The following AGBL4 variants were observed in gnomAD, a reference collection of about 807,000 sequenced individuals.
The protein encoded by AGBL4 is cytosolic carboxypeptidase 6.
Under a neutral mutation model 66.4 loss-of-function variants are expected in AGBL4, and 58 were observed. The observed-to-expected ratio is 0.87, with a 90% CI of 0.71 to 1.09. The LOEUF is 1.09. Ranked by LOEUF, AGBL4 falls within the 50% of genes least tolerant of loss-of-function variation. The pLI is 0.00. For missense variants in AGBL4, 579 were observed against 631.0 expected (o/e 0.92, Z 0.88); for synonymous variants, 234 against 222.9 (o/e 1.05, Z -0.44).
chr1:48,570,545 CG>C (rs1252541282), intron 11 of AGBL4, among the ~76,000 whole-genome samples: 1 of 151,702 alleles, frequency 6.6e-6, no homozygotes, highest in Non-Finnish European at 1.5e-5. Flanking sequence ...CGTGGGTTAA[CG>C]TTTTTTTTTT....
intron 2 of AGBL4, among the ~76,000 whole-genome samples, chr1:49,802,042 C>T (rs148752267): frequency 1.3e-3 from 191 of 152,312 alleles, no homozygotes; most frequent in African/African-American, 4.4e-3. Flanking sequence ...GATTATTGTA[C>T]ATACAAAGTT....
intron 2 of AGBL4, among the ~76,000 whole-genome samples, chr1:49,838,432 A>G (rs541215262): frequency 6.6e-6 from 1 of 152,330 alleles, no homozygotes; most frequent in African/African-American, 2.4e-5. Flanking sequence ...AGCCTGGGAA[A>G]TGCGATTTTC....
At chr1:49,445,488 CA>C (rs1308860336) in intron 3 of AGBL4, among the ~76,000 whole-genome samples, 2 of 152,046 alleles carry the variant, frequency 1.3e-5, no homozygotes, top group Non-Finnish European at 2.9e-5. Context: ...TTTGAGTATT[CA>C]ATTGTTTTAT....
intron 4 of AGBL4, among the ~76,000 whole-genome samples, chr1:49,124,315 G>A (rs1016976000): frequency 2.6e-5 from 4 of 152,130 alleles, no homozygotes; most frequent in Admixed American, 2.0e-4. Context: ...AGAACAGAAA[G>A]GTAAGGGTCA....
chr1:49,835,806 G>T (rs191126849), intron 2 of AGBL4, among the ~76,000 whole-genome samples: 29 of 152,190 alleles, frequency 1.9e-4, no homozygotes, highest in Non-Finnish European at 2.8e-4. Flanking sequence ...ATCTGTAGAG[G>T]ATTTTATTTC....
At chr1:48,944,391 G>A (rs973864902) in intron 5 of AGBL4, among the ~76,000 whole-genome samples, 2 of 152,114 alleles carry the variant, frequency 1.3e-5, no homozygotes, top group Admixed American at 6.6e-5. Flanking sequence ...TACTATCGCA[G>A]GCATGAGCAG....
chr1:49,284,518 A>T (rs1220145763), intron 3 of AGBL4, among the ~76,000 whole-genome samples: 1 of 152,162 alleles, frequency 6.6e-6, no homozygotes, highest in Admixed American at 6.5e-5. Flanking sequence ...ATTCACATAT[A>T]ACAATATTAA....
chr1:48,625,675 C>T (rs1264686337), intron 9 of AGBL4, among the ~76,000 whole-genome samples: 1 of 152,144 alleles, frequency 6.6e-6, no homozygotes. Context: ...ATGGGCTGGA[C>T]TCAAAGAGAA....
intron 6 of AGBL4, among the ~76,000 whole-genome samples, chr1:48,674,505 T>TG (rs145186728): frequency 0.25 from 7,329 of 29,228 alleles, 262 homozygotes; most frequent in East Asian, 0.33. Flanking sequence ...GTAGGTGGGC[T>TG]GGGGGTGTTG....
intron 6 of AGBL4, among the ~76,000 whole-genome samples, chr1:48,775,682 G>A (rs184229648): frequency 2.6e-5 from 4 of 152,324 alleles, no homozygotes; most frequent in Admixed American, 2.0e-4. Flanking sequence ...AAAGGAAAAG[G>A]TGTCTCAGCA....
At chr1:48,612,440 G>C (rs536362529) in intron 9 of AGBL4, among the ~76,000 whole-genome samples, 1 of 152,194 alleles carries the variant, frequency 6.6e-6, no homozygotes, top group Non-Finnish European at 1.5e-5. Context: ...TCCTGAAGAA[G>C]TGCTGTCTAC....
chr1:49,811,211 G>T (rs1335452774), intron 2 of AGBL4, among the ~76,000 whole-genome samples: 1 of 152,144 alleles, frequency 6.6e-6, no homozygotes, highest in Admixed American at 6.6e-5. Flanking sequence ...AATGGATCCT[G>T]TGGAAAATGG....
At chr1:49,030,655 T>C (rs976302347) in intron 5 of AGBL4, among the ~76,000 whole-genome samples, 2 of 151,834 alleles carry the variant, frequency 1.3e-5, no homozygotes, top group African/African-American at 4.8e-5. Context: ...TAATGCCTGA[T>C]AATATGAGGT....
At chr1:49,069,123 G>C (rs1389536141) in intron 4 of AGBL4, among the ~76,000 whole-genome samples, 2 of 152,146 alleles carry the variant, frequency 1.3e-5, no homozygotes, top group Admixed American at 1.3e-4. Flanking sequence ...TGTAGATTCT[G>C]TATATTAGCC....
At chr1:48,791,629 CG>C (rs1213441787) in intron 6 of AGBL4, among the ~76,000 whole-genome samples, 2 of 152,140 alleles carry the variant, frequency 1.3e-5, no homozygotes, top group African/African-American at 2.4e-5. Context: ...TCAGAAAAAT[CG>C]GGGTTTAAAT....
At chr1:48,572,658 G>A (rs1303842628) in intron 11 of AGBL4, among the ~76,000 whole-genome samples, 2 of 152,134 alleles carry the variant, frequency 1.3e-5, no homozygotes, top group Non-Finnish European at 2.9e-5. Flanking sequence ...GAAGAGGAAT[G>A]CTATGCAGAG....
chr1:49,376,271 T>C (rs1160493264), intron 3 of AGBL4, among the ~76,000 whole-genome samples: 1 of 152,028 alleles, frequency 6.6e-6, no homozygotes, highest in Non-Finnish European at 1.5e-5. Flanking sequence ...TATTTTGTAC[T>C]CCTCTCAGCC....
intron 6 of AGBL4, among the ~76,000 whole-genome samples, chr1:48,765,146 A>T (rs966853462): frequency 6.6e-6 from 1 of 152,170 alleles, no homozygotes; most frequent in African/African-American, 2.4e-5. Flanking sequence ...GTAGTCTATT[A>T]TCTTACTATT....
chr1:49,730,452 G>T (rs1254876378), intron 2 of AGBL4, among the ~76,000 whole-genome samples: 1 of 152,154 alleles, frequency 6.6e-6, no homozygotes, highest in Middle Eastern at 3.4e-3. Flanking sequence ...CCAGAACTAT[G>T]ACATGCCCCC....
Sources: allele counts gnomAD v4.1 joint callset (sites outside exome capture counted in the v4.1 genomes callset), GRCh38; gene constraint gnomAD v4.1.1; transcripts MANE v1.5; gene names NCBI Gene and HGNC (gene_info 2026-07-23, HGNC 2026-07-21).